The following TLN2 variants were observed in gnomAD, a reference collection of about 807,000 sequenced individuals.
The protein encoded by TLN2 is talin 2.
Under a neutral mutation model 294.7 loss-of-function variants are expected in TLN2, and 118 were observed. That is an observed-to-expected ratio of 0.40 (90% CI 0.34 to 0.47). The LOEUF (loss-of-function observed/expected upper bound fraction) is 0.47, where lower values mean the gene tolerates loss of function less well. Among genes scored for constraint, TLN2 ranks in the 20% least tolerant of loss-of-function variants. The pLI is 0.84. For missense variants in TLN2, 3,083 were observed against 3,282.2 expected (o/e 0.94, Z 1.48); for synonymous variants, 1,431 against 1,304.5 (o/e 1.10, Z -2.09).
chr15:62,529,583 A>G (rs561662199), intron 1 of TLN2, among the ~76,000 whole-genome samples: 1 of 148,466 alleles, frequency 6.7e-6, no homozygotes, highest in South Asian at 2.1e-4. Flanking sequence ...AAAAAAGGAC[A>G]GTACATCCAC....
At chr15:62,682,703 T>C (rs1232646772) in intron 11 of TLN2, among the ~76,000 whole-genome samples, 1 of 152,310 alleles carries the variant, frequency 6.6e-6, no homozygotes, top group East Asian at 1.9e-4. Flanking sequence ...TTCATTGCCT[T>C]CTTTTGCATT....
chr15:62,532,149 A>G (rs2041078373), intron 1 of TLN2, among the ~76,000 whole-genome samples: 1 of 151,826 alleles, frequency 6.6e-6, no homozygotes, highest in South Asian at 2.1e-4. Context: ...TCCCAGGCTC[A>G]GGCAATCCTC....
intron 1 of TLN2, among the ~76,000 whole-genome samples, chr15:62,490,854 T>A (rs1016930829): frequency 6.6e-6 from 1 of 152,214 alleles, no homozygotes; most frequent in Non-Finnish European, 1.5e-5. Flanking sequence ...ATTCCCACCT[T>A]TAACACTGAA....
rs183187759 is a variant in TLN2 at position 62,752,033 on chromosome 15, C to T, written c.4210-272C>T. 1.0e-3 allele frequency among the ~76,000 whole-genome samples: 155 copies of T among 152,174 alleles called. 1 individual carries two copies. The highest frequency in any genetic ancestry group is 4.0e-4 in the Non-Finnish European group (27 of 67,984). ...GTTTAGACCATTCACCCATGAGTTG[C>T]CTTTTATAGACTCTACTATATTGTC... On this transcript the variant is annotated intron_variant, in intron 34 of 58. Coordinates refer to ENST00000636159, the MANE Select transcript of TLN2 (RefSeq NM_015059.3).
At chr15:62,717,393 G>A (rs373239268) in intron 23 of TLN2, among the ~76,000 whole-genome samples, 183 bp from the exon 24 acceptor site, 1 of 152,280 alleles carries the variant, frequency 6.6e-6, no homozygotes, top group Non-Finnish European at 1.5e-5. Flanking sequence ...CTCAGAGGAC[G>A]TCAACACAAG....
chr15:62,693,002 A>G, intron 13 of TLN2, 61 bp downstream of exon 13: 9 of 1,423,186 alleles, frequency 6.3e-6, no homozygotes, highest in South Asian at 1.2e-5. Context: ...CTTGGTTTCG[A>G]TGACGTGGCT....
intron 34 of TLN2, among the ~76,000 whole-genome samples, chr15:62,751,670 C>T (rs1015437192): frequency 1.3e-5 from 2 of 152,148 alleles, no homozygotes; most frequent in African/African-American, 2.4e-5. Flanking sequence ...TGAGGGAACA[C>T]CAAATTTACA....
intron 3 of TLN2, among the ~76,000 whole-genome samples, chr15:62,633,819 T>A (rs556757760): frequency 6.6e-6 from 1 of 152,252 alleles, no homozygotes; most frequent in African/African-American, 2.4e-5. Flanking sequence ...ATAACAAAAA[T>A]TTATTGTCTC....
chr15:62,741,181 T>C (rs530698699), intron 32 of TLN2, among the ~76,000 whole-genome samples: 7 of 152,326 alleles, frequency 4.6e-5, no homozygotes, highest in Middle Eastern at 3.4e-3. Context: ...TCAGCAGACT[T>C]TTATTGAGCA....
At chr15:62,802,671 G>A (rs1361247681) in intron 50 of TLN2, among the ~76,000 whole-genome samples, 1 of 152,154 alleles carries the variant, frequency 6.6e-6, no homozygotes, top group Non-Finnish European at 1.5e-5. Flanking sequence ...CATAGTGTTT[G>A]TACTAATTTA....
At position 62,538,091 on chromosome 15, in the gene TLN2, G is replaced by A. The variant is rs576510237; in HGVS notation, c.-237-51596G>A. 9.9e-5 allele frequency among the ~76,000 whole-genome samples: 15 copies of A among 152,180 alleles called. No homozygotes were observed. In the South Asian group the frequency reaches 1.5e-3, roughly 15 times the overall value. ...ACAAAAATTAGCTGGGCATGGTGATGGGCGCCTGTAACTCCAGCTACTCAG... is the reference window on the plus strand; with the variant it reads ...ACAAAAATTAGCTGGGCATGGTGATAGGCGCCTGTAACTCCAGCTACTCAG... On this transcript the variant is annotated intron_variant, in intron 1 of 58. Coordinates refer to ENST00000636159, the MANE Select transcript of TLN2 (RefSeq NM_015059.3).
chr15:62,829,217 T>C (rs1385395639), intron 54 of TLN2: 1 of 150,818 alleles, frequency 6.6e-6, no homozygotes. Context: ...AGGCATTGTA[T>C]TAGCTTGTTC....
At chr15:62,762,212 C>T in intron 38 of TLN2, 60 bp from the exon 39 acceptor site, 1 of 1,582,128 alleles carries the variant, frequency 6.3e-7, no homozygotes, top group Non-Finnish European at 8.7e-7. Flanking sequence ...CCTTTCAGGG[C>T]CCACGTCATT....
rs202225338 is a variant in TLN2 at position 62,742,021 on chromosome 15, TG to T, written c.4025+1256del. On this transcript the variant is annotated intron_variant, in intron 32 of 58. Transcript: ENST00000636159. ...GTCCTTCCTCCCTCTTGGCTTGTAG[TG>T]GGGTGTGTGTGTGTGTGTGTGTGTG... Among the ~76,000 whole-genome samples, 43 of 37,770 alleles carry T rather than the reference TG, an allele frequency of 1.1e-3. 2 individuals are homozygous for T. Among genetic ancestry groups the T allele is most frequent in the Non-Finnish European group, 2.5e-3 (37 of 15,050 alleles). The allele number at this position is 37,770 out of a possible 152,430, so 24.8% of individuals were successfully genotyped here.
chr15:62,648,404 CAAAAAAAA>C (rs66528062), intron 4 of TLN2, among the ~76,000 whole-genome samples: 7 of 61,892 alleles, frequency 1.1e-4, no homozygotes, highest in South Asian at 1.5e-3. Context: ...GACCCTGACT[CAAAAAAAA>C]AAAAAAAAAA....
At chr15:62,671,368 A>G (rs1300316891) in intron 9 of TLN2, among the ~76,000 whole-genome samples, 1 of 152,110 alleles carries the variant, frequency 6.6e-6, no homozygotes, top group African/African-American at 2.4e-5. Context: ...CAAGTTTGTA[A>G]AGATTTACTC....
At chr15:62,470,090 A>G (rs2037382011) in intron 1 of TLN2, among the ~76,000 whole-genome samples, 1 of 152,208 alleles carries the variant, frequency 6.6e-6, no homozygotes, top group Non-Finnish European at 1.5e-5. Flanking sequence ...TTCCAGAAGG[A>G]CAAAGGGTTT....
chr15:62,534,989 T>G (rs1596043148), intron 1 of TLN2, among the ~76,000 whole-genome samples: 1 of 152,208 alleles, frequency 6.6e-6, no homozygotes. Context: ...GCTCTGGGCC[T>G]TTGCTCTGCC....
intron 46 of TLN2, 133 bp downstream of exon 46, chr15:62,792,920 C>A: frequency 7.2e-7 from 1 of 1,397,548 alleles, no homozygotes; most frequent in Non-Finnish European, 9.6e-7. Flanking sequence ...CCCGATCTTC[C>A]CCACTGCCCA....
Sources: allele counts gnomAD v4.1 joint callset (sites outside exome capture counted in the v4.1 genomes callset), GRCh38; gene constraint gnomAD v4.1.1; transcripts MANE v1.5; gene names NCBI Gene and HGNC (gene_info 2026-07-23, HGNC 2026-07-21).